TLN1: variants seen among roughly 807,000 people sequenced by gnomAD.
The protein encoded by TLN1 is talin 1.
Under a neutral mutation model 292.3 loss-of-function variants are expected in TLN1, and 56 were observed. The observed-to-expected ratio is 0.19, with a 90% CI of 0.15 to 0.24. The LOEUF (loss-of-function observed/expected upper bound fraction) is 0.24, where lower values mean the gene tolerates loss of function less well. Among genes scored for constraint, TLN1 ranks in the 10% least tolerant of loss-of-function variants. The probability of loss-of-function intolerance (pLI) is 1.00; values close to 1 mark genes in which losing one functional copy is unlikely to be tolerated. For missense variants in TLN1, 2,433 were observed against 3,248.2 expected (o/e 0.75, Z 6.10); for synonymous variants, 1,119 against 1,253.7 (o/e 0.89, Z 2.27).
In TLN1 at chr9:35,703,977, C is replaced by A; in HGVS notation, c.6231+14G>T. ...AAGTGATTCCAGCCGGAATTAGGGG[C>A]ATCAGGTCACTACCTGGGTCTCAGG... is the stretch of plus-strand genomic sequence containing the variant. On this transcript the variant is annotated intron_variant, in intron 46 of 56. Coordinates refer to ENST00000314888, the MANE Select transcript of TLN1 (RefSeq NM_006289.4). The A allele has an allele frequency of 1.9e-6, 3 of 1,612,364 alleles. No homozygotes were observed. The highest frequency in any genetic ancestry group is 2.2e-5 in the East Asian group (1 of 44,866).
rs369224826 is a variant in TLN1 at position 35,704,462 on chromosome 9, G to A, written c.5917C>T (p.Arg1973Cys). 12 of 1,613,342 alleles carry A rather than the reference G, an allele frequency of 7.4e-6. No individual in the cohort carries two copies. Among genetic ancestry groups the A allele is most frequent in the African/African-American group, 2.7e-5 (2 of 74,928 alleles). Residue 1973 changes from arginine (R) to cysteine (C), a missense_variant, in exon 45 of 57, where the codon CGT (arginine) becomes TGT (cysteine). Arg to Cys is a radical substitution (Grantham distance 180). Transcript: ENST00000314888. This position sits in a 1 kb window ranked among gnomAD's most constrained non-coding sequence, Gnocchi z 6.9. ...GCTGTGATGCAGGCCTGGGTGCCAC[G>A]ATTCCCAGCCTGGAGCGCAGCCAGG... ...HVLAALQAGNRGTQACITAAS... is the reference protein window; with the variant it reads ...HVLAALQAGNCGTQACITAAS...
At position 35,718,929 on chromosome 9, in the gene TLN1, A is replaced by C. The variant is rs766481780; in HGVS notation, c.1897-19T>G. The C allele has an allele frequency of 6.2e-7, 1 of 1,608,990 alleles. No homozygotes were observed. Among genetic ancestry groups the C allele is most frequent in the South Asian group, 1.1e-5 (1 of 90,386 alleles). ...GACGGGGCTGTGGAGAGTGAACACCAGTCAGAAGCTGCCCAATCCCTGCCC... is the reference window on the plus strand; with the variant it reads ...GACGGGGCTGTGGAGAGTGAACACCCGTCAGAAGCTGCCCAATCCCTGCCC... On this transcript the variant is annotated intron_variant, in intron 16 of 56. Coordinates refer to ENST00000314888, the MANE Select transcript of TLN1 (RefSeq NM_006289.4).
chr9:35,721,490 C>A (rs1035428426), intron 10 of TLN1, among the ~76,000 whole-genome samples, 158 bp downstream of exon 10: 1 of 152,128 alleles, frequency 6.6e-6, no homozygotes, highest in East Asian at 1.9e-4. Context: ...TCATTTAAGC[C>A]TCACACTCTC....
At chr9:35,709,615 G>A (rs541927693) in intron 33 of TLN1, among the ~76,000 whole-genome samples, 1 of 152,266 alleles carries the variant, frequency 6.6e-6, no homozygotes, top group Admixed American at 6.5e-5. Context: ...TTGGCCGGGC[G>A]CGGTGGCTCA....
In TLN1 at chr9:35,697,361, G is replaced by A. The variant is rs1304646706; in HGVS notation, c.*430C>T. 1 of 168,716 alleles carries A rather than the reference G, an allele frequency of 5.9e-6. No homozygotes were observed. The highest frequency in any genetic ancestry group is 1.3e-5 in the Non-Finnish European group (1 of 78,180). 10.5% of individuals were successfully genotyped at this position (168,716 alleles called of 1,614,324 possible). A position where few individuals can be genotyped will look rare whatever the true frequency, so the allele number is the denominator to read the frequency against. On this transcript the variant is annotated 3_prime_UTR_variant, in exon 57 of 57. Coordinates refer to ENST00000314888, the MANE Select transcript of TLN1 (RefSeq NM_006289.4). ...GTTGTAGGTAGAATCATTTTTATTG[G>A]AGCATGACCTGTTTGGGGCTTATAA...
At chr9:35,711,820 G>A (rs1025130703) in intron 28 of TLN1, 28 bp from the exon 29 acceptor site, 2 of 1,613,096 alleles carry the variant, frequency 1.2e-6, no homozygotes, top group Non-Finnish European at 1.7e-6. Flanking sequence ...AAGTCAGACA[G>A]AAGAGTGGGG....
At chr9:35,720,254 C>A in intron 12 of TLN1, 35 bp from the exon 13 acceptor site, 1 of 1,552,956 alleles carries the variant, frequency 6.4e-7, no homozygotes, top group Non-Finnish European at 8.7e-7. Context: ...TCACAGAGGA[C>A]TCCTCATCTC....
At chr9:35,728,341 ACACT>A (rs1563948574) in intron 1 of TLN1, among the ~76,000 whole-genome samples, 1 of 152,214 alleles carries the variant, frequency 6.6e-6, no homozygotes, top group Non-Finnish European at 1.5e-5. Flanking sequence ...TGGGGGAGTA[ACACT>A]CAGTCTGTTA....
rs762131166 is a variant in TLN1 at position 35,717,200 on chromosome 9, T to C, written c.2404A>G (p.Thr802Ala). 1 of 1,613,510 alleles carries C rather than the reference T, an allele frequency of 6.2e-7. No individual in the cohort carries two copies. The highest frequency in any genetic ancestry group is 2.2e-5 in the East Asian group (1 of 44,836). Reference sequence around the variant, plus strand: ...TCAGTGACGGTTAGGATGGTGTCAGTAGCCTGGTCATAACGGCCAGCAGGC... The same window carrying C: ...TCAGTGACGGTTAGGATGGTGTCAGCAGCCTGGTCATAACGGCCAGCAGGC... ...AGPAGRYDQA[T>A]DTILTVTENI... Residue 802 changes from threonine (T) to alanine (A), a missense_variant, in exon 19 of 57, where the codon ACT (threonine) becomes GCT (alanine). Around this residue, in one of 7 missense-constraint regions of TLN1, gnomAD observed 617 missense variants for 770.6 expected, o/e 0.80. Transcript: ENST00000314888. This position sits in a 1 kb window ranked among gnomAD's most constrained non-coding sequence, Gnocchi z 4.7.
intron 3 of TLN1, 60 bp from the exon 4 acceptor site, chr9:35,725,019 T>C: frequency 6.2e-7 from 1 of 1,609,966 alleles, no homozygotes; most frequent in East Asian, 2.2e-5. Context: ...TATTTCCTCT[T>C]TACACAGCCC....
intron 48 of TLN1, among the ~76,000 whole-genome samples, chr9:35,702,675 T>C (rs1053054179): frequency 1.3e-5 from 2 of 151,880 alleles, no homozygotes; most frequent in African/African-American, 4.8e-5. Context: ...GTATTTTTAG[T>C]AGAGACGGGG....
Position 35,698,655 on chromosome 9 carries a change from G to C in TLN1, c.7150C>G (p.Leu2384Val). The C allele has an allele frequency of 6.2e-7, 1 of 1,614,162 alleles. No homozygotes were observed. The highest frequency in any genetic ancestry group is 1.1e-5 in the South Asian group (1 of 91,082). ...CCCTGGGACCACTGCCCATCGTCCA[G>C]TGCATTGGCTGGAATGGCACCCACC... is the stretch of plus-strand genomic sequence containing the variant. The part of the protein sequence containing the change: ...GKVGAIPANA[L>V]DDGQWSQGLI... The change falls in exon 54 of 57, where the codon CTG (leucine) becomes GTG (valine). Residue 2384 changes from leucine (L) to valine (V), a missense_variant. By Grantham distance (32) the Leu-to-Val change is conservative. Coordinates refer to ENST00000314888, the MANE Select transcript of TLN1 (RefSeq NM_006289.4). This position sits in a 1 kb window ranked among gnomAD's most constrained non-coding sequence, Gnocchi z 5.3.
rs779678019 is a variant in TLN1, at chr9:35,699,143, T to G, written c.6888A>C (p.Val2296=). 4 of 1,610,940 alleles carry G rather than the reference T, an allele frequency of 2.5e-6. No individual in the cohort carries two copies. In the East Asian group the frequency reaches 8.9e-5, roughly 36 times the overall value. The change falls in exon 52 of 57, where the codon GTA becomes GTC. Residue 2296 remains valine (V), a synonymous_variant. Transcript: ENST00000314888. This position sits in a 1 kb window ranked among gnomAD's most constrained non-coding sequence, Gnocchi z 4.0. The stretch of plus-strand genomic sequence containing the variant: ...CAATGACTGTGGGGTCCTCTGGGTC[T>G]ACCCATTCTGTTCCTGGTGGGATGA... ...AAEAMKGTEW[V]DPEDPTVIAE... is the part of the protein sequence containing the mutation.
Position 35,712,001 on chromosome 9 carries a change from C to T in TLN1, c.3681+4G>A. 6.2e-7 allele frequency: 1 copy of T among 1,613,612 alleles called. No individual in the cohort carries two copies. Among genetic ancestry groups the T allele is most frequent in the South Asian group, 1.1e-5 (1 of 91,036 alleles). Reference sequence around the variant, plus strand: ...CGTTCCCCCACCCCCTACCGTCCTCCTACCGAGTCACTCAGGAGTCGCTTG... The same window carrying T: ...CGTTCCCCCACCCCCTACCGTCCTCTTACCGAGTCACTCAGGAGTCGCTTG... On this transcript the variant is annotated splice_donor_region_variant and intron_variant, in intron 28 of 56. Coordinates refer to ENST00000314888, the MANE Select transcript of TLN1 (RefSeq NM_006289.4).
chr9:35,698,963 T>C lies in TLN1; in HGVS notation c.7000-30A>G. The C allele has an allele frequency of 6.2e-7, 1 of 1,611,278 alleles. No individual in the cohort carries two copies. The highest frequency in any genetic ancestry group is 1.1e-5 in the South Asian group (1 of 91,034). On this transcript the variant is annotated intron_variant, in intron 52 of 56. Transcript: ENST00000314888. The surrounding 1 kb of genome is among the most constrained non-coding windows in gnomAD (Gnocchi z 5.3). ...AATAAGCGAAGGTTGCAGAAAGAGA[T>C]GTAAAGTCAGAGATGAAGGTGGGGA...
At chr9:35,723,106 C>T (rs892607995) in intron 7 of TLN1, 185 bp from the exon 8 acceptor site, 29 of 386,730 alleles carry the variant, frequency 7.5e-5, no homozygotes, top group African/African-American at 1.5e-4. Flanking sequence ...GTAAACTCTT[C>T]TTTTTTTTTT....
chr9:35,720,540 G>A, intron 11 of TLN1, 31 bp from the exon 12 acceptor site: 1 of 1,607,890 alleles, frequency 6.2e-7, no homozygotes, highest in Non-Finnish European at 8.5e-7. Flanking sequence ...CAAGAGTTGG[G>A]ATAGTTAAAG....
Position 35,697,809 on chromosome 9 carries a change from C to T in TLN1, c.7608G>A (p.Glu2536=). The stretch of plus-strand genomic sequence containing the variant: ...GGCTTCTTTAGTGCTCATCTCGAAG[C>T]TCTGAAGGCAGAAACTTGTACTGCT... ...RQQQYKFLPS[E]LRDEH is the part of the protein sequence containing the mutation. Residue 2536 remains glutamate (E), a synonymous_variant, in exon 57 of 57, where the codon GAG becomes GAA. Coordinates refer to ENST00000314888, the MANE Select transcript of TLN1 (RefSeq NM_006289.4). 2 of 1,614,112 alleles carry T rather than the reference C, an allele frequency of 1.2e-6. No individual in the cohort carries two copies. The highest frequency in any genetic ancestry group is 1.7e-6 in the Non-Finnish European group (2 of 1,180,022).
intron 1 of TLN1, among the ~76,000 whole-genome samples, chr9:35,728,142 G>A (rs952063970): frequency 6.6e-6 from 1 of 152,162 alleles, no homozygotes; most frequent in Admixed American, 6.5e-5. Context: ...GGCAATTGGA[G>A]GGGGGGAATG....
Sources: allele counts gnomAD v4.1 joint callset (sites outside exome capture counted in the v4.1 genomes callset), GRCh38; gene constraint gnomAD v4.1.1; regional missense constraint gnomAD v4.1.1; non-coding constraint Gnocchi (gnomAD v3.1); transcripts MANE v1.5; gene names NCBI Gene and HGNC (gene_info 2026-07-23, HGNC 2026-07-21).